Variants in SYN3 observed in about 807,000 individuals in gnomAD.
SYN3 encodes the protein synapsin-3.
In SYN3, 35 loss-of-function variants were observed where a neutral mutation model predicts 65.8. The ratio of observed to expected loss-of-function variants is 0.53; its 90% CI spans 0.41 to 0.70. The LOEUF (loss-of-function observed/expected upper bound fraction) is 0.70. SYN3 is among the 30% of genes least tolerant of loss of function. SYN3 has a pLI of 0.00. For synonymous variants in SYN3, 270 were observed against 292.9 expected (o/e 0.92, Z 0.80); for missense variants, 680 against 749.0 (o/e 0.91, Z 1.08).
chr22:32,541,753 G>A (rs200163576), intron 7 of SYN3, 40 bp from the exon 8 acceptor site: 484 of 1,600,260 alleles, frequency 3.0e-4, no homozygotes, highest in Non-Finnish European at 4.0e-4. Flanking sequence ...CACCCACCCC[G>A]TGTTCACTGA....
intron 6 of SYN3, among the ~76,000 whole-genome samples, chr22:32,805,242 G>C (rs2046696944): frequency 6.6e-6 from 1 of 152,176 alleles, no homozygotes; most frequent in Non-Finnish European, 1.5e-5. Context: ...CTCAGCTGGG[G>C]GGCCGGCTGC....
At chr22:32,983,182 C>T (rs1488689714) in intron 2 of SYN3, among the ~76,000 whole-genome samples, 1 of 152,108 alleles carries the variant, frequency 6.6e-6, no homozygotes, top group Non-Finnish European at 1.5e-5. Flanking sequence ...TCTTTGCTTC[C>T]TAATACTCAT....
intron 6 of SYN3, among the ~76,000 whole-genome samples, chr22:32,616,274 C>T (rs2146717842): frequency 6.6e-6 from 1 of 152,216 alleles, no homozygotes; most frequent in Middle Eastern, 3.4e-3. Context: ...TTACTGCAGG[C>T]TCAGTGGCCC....
chr22:32,543,539 T>A (rs2058291527), intron 7 of SYN3, among the ~76,000 whole-genome samples: 1 of 152,224 alleles, frequency 6.6e-6, no homozygotes. Context: ...AAGAGTTCCC[T>A]ATTTTCCAGC....
chr22:32,894,332 C>A (rs2049532173), intron 4 of SYN3, among the ~76,000 whole-genome samples: 1 of 152,232 alleles, frequency 6.6e-6, no homozygotes, highest in Admixed American at 6.5e-5. Context: ...TGACTTTGCA[C>A]AGGCTGCTCT....
rs201659599 is a variant in SYN3, at chr22:32,964,419, TAAAA to T, written c.369+16222_369+16225del. On this transcript the variant is annotated intron_variant, in intron 3 of 13. Coordinates refer to ENST00000358763, the MANE Select transcript of SYN3 (RefSeq NM_003490.4). The stretch of plus-strand genomic sequence containing the variant: ...ATGTACCCTAAAACTTAAAGTATAA[TAAAA>T]AAAAAAAAAAAAAAAGAAAGGTCAG... Among the ~76,000 whole-genome samples the T allele has an allele frequency of 4.3e-3, 549 of 128,744 alleles. 1 individual carries two copies. The highest frequency in any genetic ancestry group is 0.013 in the African/African-American group (450 of 35,966). 84.5% of individuals were successfully genotyped at this position (128,744 alleles called of 152,430 possible). A position where few individuals can be genotyped will look rare whatever the true frequency, so the allele number is the denominator to read the frequency against.
intron 7 of SYN3, among the ~76,000 whole-genome samples, chr22:32,582,172 G>C (rs928347547): frequency 1.3e-5 from 2 of 152,134 alleles, no homozygotes; most frequent in Non-Finnish European, 2.9e-5. Context: ...TTCTCTTGCA[G>C]GATGGCCTCG....
At position 32,643,107 on chromosome 22, in the gene SYN3, C is replaced by T. The variant is rs142693433; in HGVS notation, c.712-46371G>A. 2.6e-3 allele frequency among the ~76,000 whole-genome samples: 396 copies of T among 152,166 alleles called. 3 individuals carry two copies. Among genetic ancestry groups the T allele is most frequent in the African/African-American group, 8.9e-3 (368 of 41,514 alleles). ...TTGTTTTTGTTTTTTGAGATGGAAT[C>T]TCACTCTGTCACTCAGGCCGGAGTG... On this transcript the variant is annotated intron_variant, in intron 6 of 13. Coordinates refer to ENST00000358763, the MANE Select transcript of SYN3 (RefSeq NM_003490.4).
intron 6 of SYN3, among the ~76,000 whole-genome samples, chr22:32,619,797 T>A (rs923320127): frequency 6.6e-6 from 1 of 152,168 alleles, no homozygotes; most frequent in Non-Finnish European, 1.5e-5. Context: ...TCTGCCTAGG[T>A]CCCCAGAGAC....
At chr22:32,888,661 G>A (rs573460525) in intron 4 of SYN3, among the ~76,000 whole-genome samples, 3 of 152,282 alleles carry the variant, frequency 2.0e-5, no homozygotes, top group African/African-American at 7.2e-5. Context: ...CAGGATTTGA[G>A]ATGGAAGACT....
intron 2 of SYN3, among the ~76,000 whole-genome samples, chr22:32,991,119 G>T (rs752634887): frequency 2.6e-5 from 4 of 151,946 alleles, no homozygotes; most frequent in Non-Finnish European, 5.9e-5. Context: ...GGAGGCAGAG[G>T]TTGCAGTGAG....
chr22:32,717,162 G>C (rs1046940912), intron 6 of SYN3, among the ~76,000 whole-genome samples: 3 of 152,178 alleles, frequency 2.0e-5, no homozygotes, highest in African/African-American at 7.2e-5. Context: ...TAAGCAGCTT[G>C]CTTGAGTCCA....
intron 6 of SYN3, among the ~76,000 whole-genome samples, chr22:32,682,071 G>GAAA (rs1189525689): frequency 2.0e-5 from 3 of 152,038 alleles, no homozygotes; most frequent in Admixed American, 6.5e-5. Flanking sequence ...GAGATGAGGG[G>GAAA]CAGCAGGGGT....
intron 6 of SYN3, chr22:32,629,978 T>C (rs1289483428): frequency 6.7e-6 from 1 of 149,200 alleles, no homozygotes; most frequent in African/African-American, 2.5e-5. Context: ...TTATTTTATA[T>C]AGGTATGTAT....
At chr22:32,546,663 G>A (rs989350068) in intron 7 of SYN3, among the ~76,000 whole-genome samples, 2 of 152,092 alleles carry the variant, frequency 1.3e-5, no homozygotes, top group African/African-American at 2.4e-5. Flanking sequence ...TGGGCAGGGA[G>A]TCTTGGCACT....
chr22:32,853,866 A>G lies in SYN3; in HGVS notation c.711+11049T>C, dbSNP rs556501489. The stretch of plus-strand genomic sequence containing the variant: ...TTTACAGATGAAGAAACTGAGACCC[A>G]AAGAGGTTAAGTAACTTTCCAAGTG... On this transcript the variant is annotated intron_variant, in intron 6 of 13. Transcript: ENST00000358763. Among the ~76,000 whole-genome samples the G allele has an allele frequency of 4.6e-5, 7 of 152,362 alleles. No homozygotes were observed. In the South Asian group the frequency reaches 1.4e-3, roughly 32 times the overall value.
At chr22:32,571,477 G>A (rs2058758010) in intron 7 of SYN3, among the ~76,000 whole-genome samples, 1 of 152,134 alleles carries the variant, frequency 6.6e-6, no homozygotes, top group East Asian at 1.9e-4. Flanking sequence ...CTATCATTTT[G>A]GCCAGGGCTT....
At chr22:32,526,512 ATTTAT>A (rs1263566298) in intron 12 of SYN3, among the ~76,000 whole-genome samples, 3 of 151,572 alleles carry the variant, frequency 2.0e-5, no homozygotes, top group Non-Finnish European at 4.4e-5. Context: ...TATATAATTT[ATTTAT>A]TTTATTTTGT....
intron 7 of SYN3, among the ~76,000 whole-genome samples, chr22:32,577,433 C>T (rs1295890967): frequency 6.6e-6 from 1 of 152,184 alleles, no homozygotes; most frequent in Non-Finnish European, 1.5e-5. Context: ...TAGAAAGGGA[C>T]CCCCTTGGGA....
Sources: allele counts gnomAD v4.1 joint callset (sites outside exome capture counted in the v4.1 genomes callset), GRCh38; gene constraint gnomAD v4.1.1; transcripts MANE v1.5; gene names NCBI Gene and HGNC (gene_info 2026-07-23, HGNC 2026-07-21).